Variants in TTC7B observed in about 807,000 individuals in gnomAD.
TTC7B encodes tetratricopeptide repeat protein 7B.
A neutral mutation model predicts 106.8 loss-of-function variants in TTC7B; 28 were observed. That is an observed-to-expected ratio of 0.26 (90% CI 0.19 to 0.36). TTC7B has a LOEUF of 0.36. TTC7B is among the 10% of genes least tolerant of loss of function. TTC7B has a pLI of 1.00. For missense variants in TTC7B, 862 were observed against 1,076.4 expected, an observed-to-expected ratio of 0.80 and a Z score of 2.79; for synonymous variants, 405 against 430.6, an observed-to-expected ratio of 0.94 and a Z score of 0.74.
At chr14:90,761,120 A>G (rs1890485610) in intron 3 of TTC7B, among the ~76,000 whole-genome samples, 1 of 152,214 alleles carries the variant, frequency 6.6e-6, no homozygotes, top group Non-Finnish European at 1.5e-5. Context: ...ACTTTAGGAG[A>G]TATTTAGTTT....
Position 90,655,027 on chromosome 14 carries a change from A to G in TTC7B, c.1425T>C (p.Ala475=). ...TSEFKAKGYL[A]LGLTYSLQAT... is the part of the protein sequence containing the mutation. ...CCTGCAGACTGTACGTGAGCCCCAG[A>G]GCTAAGTAGCCTTTGGCCTTGAACT... is the stretch of plus-strand genomic sequence containing the variant. The change falls in exon 12 of 20, where the codon GCT becomes GCC. Residue 475 remains alanine (A), a synonymous_variant. Transcript: ENST00000328459. The G allele has an allele frequency of 6.2e-7, 1 of 1,614,206 alleles. No homozygotes were observed. The highest frequency in any genetic ancestry group is 8.5e-7 in the Non-Finnish European group (1 of 1,180,016).
intron 15 of TTC7B, among the ~76,000 whole-genome samples, chr14:90,641,968 G>A (rs775295546): frequency 6.7e-6 from 1 of 150,304 alleles, no homozygotes; most frequent in Non-Finnish European, 1.5e-5. Flanking sequence ...TGTGTTGGAG[G>A]GTGAGACACG....
At chr14:90,705,644 A>G (rs1322322383) in intron 5 of TTC7B, among the ~76,000 whole-genome samples, 1 of 152,212 alleles carries the variant, frequency 6.6e-6, no homozygotes, top group African/African-American at 2.4e-5. Flanking sequence ...CCATGTAACC[A>G]CCACCAAAAA....
intron 5 of TTC7B, among the ~76,000 whole-genome samples, chr14:90,713,965 C>G (rs779903827): frequency 6.6e-6 from 1 of 152,158 alleles, no homozygotes; most frequent in African/African-American, 2.4e-5. Context: ...CGGTGGCTCA[C>G]GCCTGTAATC....
At chr14:90,660,532 C>T (rs1248734126) in intron 9 of TTC7B, among the ~76,000 whole-genome samples, 1 of 152,098 alleles carries the variant, frequency 6.6e-6, no homozygotes, top group African/African-American at 2.4e-5. Context: ...AGGGTCAGCT[C>T]AGAGACTGGT....
At chr14:90,746,539 T>C (rs557013228) in intron 3 of TTC7B, among the ~76,000 whole-genome samples, 14 of 152,328 alleles carry the variant, frequency 9.2e-5, no homozygotes, top group African/African-American at 2.2e-4. Context: ...TTTGGTTTCA[T>C]TGATTTTTCT....
At position 90,541,583 on chromosome 14, in the gene TTC7B, T is replaced by C; in HGVS notation, c.2317A>G (p.Ile773Val). Residue 773 changes from isoleucine to valine, a missense_variant, in exon 20 of 20, where the codon ATC becomes GTC. By Grantham distance (29) the Ile-to-Val change is conservative. Coordinates refer to ENST00000328459, the MANE Select transcript of TTC7B (RefSeq NM_001010854.2). ...CTGTAGCGGCCTAGCTGGTGAAGGA[T>C]CAGGGCCTGGAGAGGTCAGAGAGAG... is the stretch of plus-strand genomic sequence containing the variant. The part of the protein sequence containing the change: ...HVKSMQRLAL[I>V]LHQLGRYSLA... The C allele has an allele frequency of 6.3e-7, 1 of 1,593,728 alleles. No individual in the cohort carries two copies. Among genetic ancestry groups the C allele is most frequent in the Non-Finnish European group, 8.6e-7 (1 of 1,166,548 alleles).
At chr14:90,552,320 G>C (rs973359328) in intron 19 of TTC7B, among the ~76,000 whole-genome samples, 1 of 152,256 alleles carries the variant, frequency 6.6e-6, no homozygotes, top group East Asian at 1.9e-4. Context: ...CAGGTCACAA[G>C]TTCTGGGCAG....
At chr14:90,799,853 G>A (rs537674338) in intron 1 of TTC7B, among the ~76,000 whole-genome samples, 10 of 152,002 alleles carry the variant, frequency 6.6e-5, no homozygotes, top group East Asian at 3.9e-4. Context: ...TTTTTGAGAC[G>A]GAGTCTCGCT....
intron 6 of TTC7B, among the ~76,000 whole-genome samples, chr14:90,694,431 A>G (rs1246926581): frequency 6.6e-6 from 1 of 151,972 alleles, no homozygotes; most frequent in Non-Finnish European, 1.5e-5. Flanking sequence ...AATATTAGTG[A>G]TAGCTGGACA....
At chr14:90,545,527 G>T (rs960147658) in intron 19 of TTC7B, among the ~76,000 whole-genome samples, 1 of 152,218 alleles carries the variant, frequency 6.6e-6, no homozygotes, top group Non-Finnish European at 1.5e-5. Context: ...GCTTGGGAAG[G>T]CTGCCACAGC....
At chr14:90,685,497 C>CA (rs1161634017) in intron 7 of TTC7B, among the ~76,000 whole-genome samples, 1 of 152,078 alleles carries the variant, frequency 6.6e-6, no homozygotes, top group African/African-American at 2.4e-5. Context: ...GCATAGGATT[C>CA]ATGTGGAAAT....
Position 90,541,195 on chromosome 14 carries a change from CACA to C in TTC7B, c.*170_*172del. ...GCTGGCAAAAAAAACAAGAGAAACG[CACA>C]TGGCGAGAGCGATGATTCGGGGTTG... On this transcript the variant is annotated 3_prime_UTR_variant, in exon 20 of 20. Transcript: ENST00000328459. 3.9e-6 allele frequency: 2 copies of C among 511,392 alleles called. No individual in the cohort carries two copies. The highest frequency in any genetic ancestry group is 3.6e-5 in the Admixed American group (1 of 27,572). 31.7% of individuals were successfully genotyped at this position (511,392 alleles called of 1,614,324 possible).
intron 4 of TTC7B, among the ~76,000 whole-genome samples, chr14:90,740,407 G>A (rs768244456): frequency 9.3e-5 from 14 of 151,040 alleles, no homozygotes; most frequent in Non-Finnish European, 1.9e-4. Context: ...CAGGCAAAAC[G>A]TTGTTCCACT....
At chr14:90,651,350 T>A (rs1885707848) in intron 13 of TTC7B, among the ~76,000 whole-genome samples, 1 of 152,252 alleles carries the variant, frequency 6.6e-6, no homozygotes, top group Non-Finnish European at 1.5e-5. Context: ...TATTCCCATA[T>A]GAACTAATAT....
chr14:90,605,670 T>A, intron 17 of TTC7B: 1 of 1,288,228 alleles, frequency 7.8e-7, no homozygotes, highest in Non-Finnish European at 1.0e-6. Flanking sequence ...AGGTATCGGG[T>A]TTGGGAGAAT....
At chr14:90,739,946 C>A (rs548571069) in intron 4 of TTC7B, among the ~76,000 whole-genome samples, 1 of 152,186 alleles carries the variant, frequency 6.6e-6, no homozygotes, top group Non-Finnish European at 1.5e-5. Context: ...GGCACAATGC[C>A]GTCATCTGAA....
At chr14:90,643,407 C>CA (rs1201434493) in intron 15 of TTC7B, among the ~76,000 whole-genome samples, 2,246 of 136,148 alleles carry the variant, frequency 0.016, 25 homozygotes, top group African/African-American at 0.028. Flanking sequence ...TATTCCGTCT[C>CA]AAAAAAAAAA....
intron 15 of TTC7B, 61 bp downstream of exon 15, chr14:90,643,987 G>A: frequency 2.5e-6 from 4 of 1,591,568 alleles, no homozygotes; most frequent in South Asian, 1.1e-5. Flanking sequence ...AAAGAAGGCA[G>A]GGGAAGAAGT....
Sources: allele counts gnomAD v4.1 joint callset (sites outside exome capture counted in the v4.1 genomes callset), GRCh38; gene constraint gnomAD v4.1.1; transcripts MANE v1.5; gene names NCBI Gene and HGNC (gene_info 2026-07-23, HGNC 2026-07-21).